PPP2R5E: variants seen among roughly 807,000 people sequenced by gnomAD.
PPP2R5E encodes the protein protein phosphatase 2 regulatory subunit B'epsilon.
PPP2R5E carries 4 observed loss-of-function variants against 65.3 expected under a neutral mutation model. The ratio of observed to expected loss-of-function variants is 0.06; its 90% CI spans 0.03 to 0.14. The LOEUF (loss-of-function observed/expected upper bound fraction) is 0.14, where lower values mean the gene tolerates loss of function less well. Ranked by LOEUF, PPP2R5E falls within the 10% of genes least tolerant of loss-of-function variation. PPP2R5E has a pLI of 1.00. For synonymous variants in PPP2R5E, 183 were observed against 187.4 expected (o/e 0.98, Z 0.19); for missense variants, 274 against 556.1 (o/e 0.49, Z 5.10).
intron 2 of PPP2R5E, among the ~76,000 whole-genome samples, chr14:63,538,548 C>T (rs568734103): frequency 1.3e-5 from 2 of 151,616 alleles, no homozygotes; most frequent in Non-Finnish European, 2.9e-5. Context: ...CCACCACGCC[C>T]GGCCTCAACC....
chr14:63,517,417 T>C (rs59574119), intron 2 of PPP2R5E, among the ~76,000 whole-genome samples: 4,626 of 152,012 alleles, frequency 0.03, 250 homozygotes, highest in African/African-American at 0.11. Context: ...AAAAACACTT[T>C]GAAATTTATT....
intron 2 of PPP2R5E, among the ~76,000 whole-genome samples, chr14:63,479,585 T>C (rs1318594181): frequency 6.6e-6 from 1 of 152,166 alleles, no homozygotes; most frequent in Non-Finnish European, 1.5e-5. Context: ...CTTAAGTCTT[T>C]AGTACAATAA....
At chr14:63,417,608 T>C (rs998807460) in intron 4 of PPP2R5E, among the ~76,000 whole-genome samples, 4 of 152,184 alleles carry the variant, frequency 2.6e-5, no homozygotes, top group African/African-American at 7.2e-5. Flanking sequence ...ATACTTCCCA[T>C]TGTATCATGT....
At chr14:63,470,462 T>TAAA (rs768569021) in intron 2 of PPP2R5E, among the ~76,000 whole-genome samples, 1 of 135,940 alleles carries the variant, frequency 7.4e-6, no homozygotes, top group Non-Finnish European at 1.6e-5. Context: ...TCCATAAGTT[T>TAAA]AAAAAAAAAA....
At chr14:63,444,180 C>A (rs1045928992) in intron 3 of PPP2R5E, among the ~76,000 whole-genome samples, 3 of 152,226 alleles carry the variant, frequency 2.0e-5, no homozygotes, top group Non-Finnish European at 4.4e-5. Flanking sequence ...ATACACATAA[C>A]ACTGTAACAA....
At chr14:63,493,325 A>G (rs936660914) in intron 2 of PPP2R5E, among the ~76,000 whole-genome samples, 11 of 151,802 alleles carry the variant, frequency 7.2e-5, no homozygotes, top group Admixed American at 5.2e-4. Context: ...ATAACTATTT[A>G]TTGTGAGCAG....
At position 63,400,319 on chromosome 14, in the gene PPP2R5E, C is replaced by G. The variant is rs552666839; in HGVS notation, c.550-3603G>C. Among the ~76,000 whole-genome samples the G allele has an allele frequency of 3.3e-5, 5 of 152,262 alleles. No homozygotes were observed. The East Asian group carries it at 9.7e-4, about 29-fold the overall frequency. On this transcript the variant is annotated intron_variant, in intron 5 of 13. Transcript: ENST00000337537. ...TAGTTCAGGATGTTGTATAAATACA[C>G]AGCAGACACATCTACTGTATTTGGA...
rs1893959044 is a variant in PPP2R5E, at chr14:63,542,768, G to GA, written c.-8+10dup. 6.5e-6 allele frequency: 1 copy of GA among 153,960 alleles called. No homozygotes were observed. The allele number at this position is 153,960 out of a possible 1,614,324, so 9.5% of individuals were successfully genotyped here. On this transcript the variant is annotated intron_variant, in intron 1 of 13. Coordinates refer to ENST00000337537, the MANE Select transcript of PPP2R5E (RefSeq NM_006246.5). Reference sequence around the variant, plus strand: ...AGCGGGCGAGCCGCGGTGCTGGAGGGACTAAGTTACCTTGAAGCTTCTGGG... The same window carrying GA: ...AGCGGGCGAGCCGCGGTGCTGGAGGGAACTAAGTTACCTTGAAGCTTCTGGG...
chr14:63,471,229 G>A (rs1890114424), intron 2 of PPP2R5E, among the ~76,000 whole-genome samples: 1 of 152,174 alleles, frequency 6.6e-6, no homozygotes, highest in African/African-American at 2.4e-5. Context: ...AGACCCAGAT[G>A]GGCCAGAAGA....
intron 3 of PPP2R5E, among the ~76,000 whole-genome samples, chr14:63,431,993 A>G (rs1401234772): frequency 6.6e-6 from 1 of 151,942 alleles, no homozygotes; most frequent in African/African-American, 2.4e-5. Flanking sequence ...GAAAGAACAT[A>G]TTAAAATGAT....
intron 5 of PPP2R5E, among the ~76,000 whole-genome samples, chr14:63,414,390 A>T (rs1886574515): frequency 6.6e-6 from 1 of 152,178 alleles, no homozygotes; most frequent in East Asian, 1.9e-4. Flanking sequence ...GGAGATAAAC[A>T]TTTATTCTTT....
At chr14:63,381,365 T>G (rs1298376149) in intron 13 of PPP2R5E, among the ~76,000 whole-genome samples, 1 of 152,064 alleles carries the variant, frequency 6.6e-6, no homozygotes, top group Non-Finnish European at 1.5e-5. Context: ...GCTATTGGAG[T>G]GAAGTACAAG....
Position 63,539,629 on chromosome 14 carries a change from C to T in PPP2R5E, c.57G>A (p.Arg19=). 1 of 1,614,004 alleles carries T rather than the reference C, an allele frequency of 6.2e-7. No individual in the cohort carries two copies. Among genetic ancestry groups the T allele is most frequent in the Non-Finnish European group, 8.5e-7 (1 of 1,179,924 alleles). Residue 19 remains arginine, a synonymous_variant, in exon 2 of 14, where the codon CGG becomes CGA. Transcript: ENST00000337537. ...TCTGTCTGGCTTTTCTGACGGACTT[C>T]CGAGAAAATCCGTCTACTTTATCCA... ...PSVDKVDGFS[R]KSVRKARQKR... is the part of the protein sequence containing the mutation.
Position 63,414,419 on chromosome 14 carries a change from C to A in PPP2R5E, c.549+721G>T, listed in dbSNP as rs1349029594. Reference sequence around the variant, plus strand: ...ATTCTTTCCTACATTAGATGCCCCACATGTCACTCAGAAGAGAGCTACACC... The same window carrying A: ...ATTCTTTCCTACATTAGATGCCCCAAATGTCACTCAGAAGAGAGCTACACC... On this transcript the variant is annotated intron_variant, in intron 5 of 13. Coordinates refer to ENST00000337537, the MANE Select transcript of PPP2R5E (RefSeq NM_006246.5). Among the ~76,000 whole-genome samples, 9 of 152,152 alleles carry A rather than the reference C, an allele frequency of 5.9e-5. No individual in the cohort carries two copies. In the East Asian group the frequency reaches 1.7e-3, roughly 29 times the overall value.
chr14:63,407,575 T>C (rs1886160860), intron 5 of PPP2R5E, among the ~76,000 whole-genome samples: 1 of 152,100 alleles, frequency 6.6e-6, no homozygotes, highest in African/African-American at 2.4e-5. Context: ...AAAATAGAGA[T>C]ATCTAAAAAA....
At chr14:63,414,810 T>C (rs1886608260) in intron 5 of PPP2R5E, among the ~76,000 whole-genome samples, 1 of 152,194 alleles carries the variant, frequency 6.6e-6, no homozygotes, top group Non-Finnish European at 1.5e-5. Flanking sequence ...CTTACGCAAA[T>C]GTAAGTCTTT....
intron 5 of PPP2R5E, among the ~76,000 whole-genome samples, chr14:63,401,086 C>T (rs927086214): frequency 3.9e-5 from 6 of 152,094 alleles, no homozygotes; most frequent in Non-Finnish European, 8.8e-5. Flanking sequence ...ATTTACAAAG[C>T]CACAAATATT....
At chr14:63,478,772 TA>T (rs1046754030) in intron 2 of PPP2R5E, among the ~76,000 whole-genome samples, 3 of 152,232 alleles carry the variant, frequency 2.0e-5, no homozygotes, top group African/African-American at 7.2e-5. Flanking sequence ...AATGCTGACT[TA>T]CCCTGAGAGG....
chr14:63,471,780 A>T (rs73274675), intron 2 of PPP2R5E, among the ~76,000 whole-genome samples: 4,447 of 152,238 alleles, frequency 0.029, 193 homozygotes, highest in African/African-American at 0.097. Flanking sequence ...GACTAATGAG[A>T]GCTGGCTTAT....
Sources: allele counts gnomAD v4.1 joint callset (sites outside exome capture counted in the v4.1 genomes callset), GRCh38; gene constraint gnomAD v4.1.1; transcripts MANE v1.5; gene names NCBI Gene and HGNC (gene_info 2026-07-23, HGNC 2026-07-21).